Variants in MAST4 observed in about 807,000 individuals in gnomAD.
MAST4 encodes microtubule associated serine/threonine kinase family member 4.
In MAST4, 89 loss-of-function variants were observed where a neutral mutation model predicts 162.7. That is an observed-to-expected ratio of 0.55 (90% confidence interval 0.46 to 0.65). The LOEUF (loss-of-function observed/expected upper bound fraction) is 0.65. MAST4 is among the 30% of genes least tolerant of loss of function. The probability of loss-of-function intolerance (pLI) is 0.00; values close to 1 mark genes in which losing one functional copy is unlikely to be tolerated. For synonymous variants in MAST4, 1,479 were observed against 1,361.1 expected (o/e 1.09, Z -1.91); for missense variants, 3,153 against 3,374.0 (o/e 0.93, Z 1.62).
chr5:66,701,755 T>A (rs550559396), intron 1 of MAST4, among the ~76,000 whole-genome samples: 2 of 152,318 alleles, frequency 1.3e-5, no homozygotes, highest in Admixed American at 6.5e-5. Context: ...TCAGGTTTTT[T>A]AACCTCCATC....
chr5:66,840,520 T>G (rs1186814818), intron 3 of MAST4, among the ~76,000 whole-genome samples: 1 of 149,166 alleles, frequency 6.7e-6, no homozygotes, highest in Admixed American at 6.7e-5. Context: ...AATCCTTAAA[T>G]TTTTTACTTC....
At chr5:66,890,742 G>GA (rs1762314836) in intron 3 of MAST4, among the ~76,000 whole-genome samples, 1 of 152,172 alleles carries the variant, frequency 6.6e-6, no homozygotes, top group Non-Finnish European at 1.5e-5. Context: ...ACTTGGTGAT[G>GA]AAAAATAATT....
intron 3 of MAST4, among the ~76,000 whole-genome samples, chr5:66,811,040 G>C (rs1040641172): frequency 6.6e-6 from 1 of 152,178 alleles, no homozygotes; most frequent in Non-Finnish European, 1.5e-5. Context: ...AATGGCTTTC[G>C]GGAATAGAGC....
At chr5:67,153,995 C>A (rs1020889417) in intron 26 of MAST4, among the ~76,000 whole-genome samples, 1 of 152,036 alleles carries the variant, frequency 6.6e-6, no homozygotes, top group African/African-American at 2.4e-5. Flanking sequence ...AATTAGAGTT[C>A]CTTTGAAAGA....
intron 4 of MAST4, among the ~76,000 whole-genome samples, chr5:66,930,462 G>A (rs538761096): frequency 6.6e-6 from 1 of 152,130 alleles, no homozygotes; most frequent in Non-Finnish European, 1.5e-5. Flanking sequence ...TTTCCAAAAG[G>A]TCTGATCTTT....
rs1773630530 is a variant in MAST4, at chr5:67,164,498, C to T, written c.5319C>T (p.Gly1773=). 3 of 1,613,904 alleles carry T rather than the reference C, an allele frequency of 1.9e-6. No individual in the cohort carries two copies. Among genetic ancestry groups the T allele is most frequent in the African/African-American group, 1.3e-5 (1 of 74,940 alleles). The change falls in exon 29 of 29, where the codon GGC becomes GGT. Residue 1773 remains glycine, a synonymous_variant. Coordinates refer to ENST00000403625, the MANE Select transcript of MAST4 (RefSeq NM_001164664.2). This position sits in a 1 kb window ranked among gnomAD's most constrained non-coding sequence, Gnocchi z 5.3. ...TGGACAGTGGAACGGAGAAGCCTGGCTTGGTTGCTCCTGAGTCCCCTGTTA... is the reference window on the plus strand; with the variant it reads ...TGGACAGTGGAACGGAGAAGCCTGGTTTGGTTGCTCCTGAGTCCCCTGTTA... ...GRVDSGTEKP[G]LVAPESPVRK... is the part of the protein sequence containing the mutation.
At chr5:66,842,359 C>CCAAA (rs947234111) in intron 3 of MAST4, among the ~76,000 whole-genome samples, 1 of 152,104 alleles carries the variant, frequency 6.6e-6, no homozygotes, top group African/African-American at 2.4e-5. Flanking sequence ...ACAAAATTTG[C>CCAAA]CAAACACCTT....
intron 1 of MAST4, among the ~76,000 whole-genome samples, chr5:66,641,370 T>C (rs563723169): frequency 6.6e-6 from 1 of 152,210 alleles, no homozygotes; most frequent in South Asian, 2.1e-4. Flanking sequence ...GTTGGCTAGC[T>C]GGTCTTGAAC....
At chr5:66,934,787 G>T (rs553254315) in intron 4 of MAST4, among the ~76,000 whole-genome samples, 1 of 152,244 alleles carries the variant, frequency 6.6e-6, no homozygotes, top group Non-Finnish European at 1.5e-5. Context: ...AGCAAAGGGG[G>T]AATTCAAAGG....
chr5:66,645,739 G>T (rs543680003), intron 1 of MAST4, among the ~76,000 whole-genome samples: 1 of 152,080 alleles, frequency 6.6e-6, no homozygotes, highest in Admixed American at 6.6e-5. Flanking sequence ...GGTAAATTAG[G>T]TTTAAAGTTA....
chr5:67,155,484 A>G (rs991271232), intron 26 of MAST4, among the ~76,000 whole-genome samples: 7 of 152,242 alleles, frequency 4.6e-5, no homozygotes, highest in East Asian at 1.9e-4. Flanking sequence ...GCCCAGTCCC[A>G]TTACCTGTTC....
At chr5:66,900,024 TATATA>T in intron 4 of MAST4, 42 bp downstream of exon 4, 3 of 1,317,480 alleles carry the variant, frequency 2.3e-6, no homozygotes, top group Non-Finnish European at 3.1e-6. Flanking sequence ...TTTTTATTAA[TATATA>T]GTTTATAGTA....
At chr5:66,722,119 T>C (rs1751248035) in intron 1 of MAST4, among the ~76,000 whole-genome samples, 1 of 152,136 alleles carries the variant, frequency 6.6e-6, no homozygotes, top group Non-Finnish European at 1.5e-5. Context: ...CCTTTTGAGA[T>C]GTCAGCCAGA....
intron 4 of MAST4, among the ~76,000 whole-genome samples, chr5:67,031,238 C>T (rs1194369071): frequency 2.0e-5 from 3 of 152,170 alleles, no homozygotes; most frequent in African/African-American, 7.2e-5. Context: ...GAGAATCTGT[C>T]AGCTCCCTGG....
intron 14 of MAST4, among the ~76,000 whole-genome samples, chr5:67,128,181 T>G (rs929913042): frequency 1.3e-5 from 2 of 152,236 alleles, no homozygotes; most frequent in Admixed American, 1.3e-4. Flanking sequence ...CTTTCCCTTT[T>G]TATACTCATG....
At chr5:66,666,567 GGC>G (rs1420938537) in intron 1 of MAST4, among the ~76,000 whole-genome samples, 1 of 152,148 alleles carries the variant, frequency 6.6e-6, no homozygotes, top group African/African-American at 2.4e-5. Flanking sequence ...ACTCTACTAT[GGC>G]AAGGAAAGCT....
chr5:67,156,517 G>C (rs1452987842), intron 26 of MAST4, among the ~76,000 whole-genome samples: 1 of 152,196 alleles, frequency 6.6e-6, no homozygotes. Context: ...TTTTCTCCAG[G>C]GTGGACAGGA....
intron 1 of MAST4, among the ~76,000 whole-genome samples, chr5:66,657,942 T>C (rs73108437): frequency 0.015 from 2,314 of 152,322 alleles, 59 homozygotes; most frequent in African/African-American, 0.053. Flanking sequence ...ATAGTGCTTT[T>C]ATGTGGGGGA....
At chr5:66,996,088 G>A (rs1750608038) in intron 4 of MAST4, among the ~76,000 whole-genome samples, 1 of 152,082 alleles carries the variant, frequency 6.6e-6, no homozygotes. Context: ...GACCAGCCTG[G>A]CCAACATAGT....
Sources: allele counts gnomAD v4.1 joint callset (sites outside exome capture counted in the v4.1 genomes callset), GRCh38; gene constraint gnomAD v4.1.1; non-coding constraint Gnocchi (gnomAD v3.1); transcripts MANE v1.5; gene names NCBI Gene and HGNC (gene_info 2026-07-23, HGNC 2026-07-21).